The following LRRTM4 variants were observed in gnomAD, a reference collection of about 807,000 sequenced individuals.
LRRTM4 encodes leucine-rich repeat transmembrane neuronal protein 4.
In LRRTM4, 25 loss-of-function variants were observed where a neutral mutation model predicts 47.6. The observed-to-expected ratio is 0.53, with a 90% CI of 0.38 to 0.73. The LOEUF (loss-of-function observed/expected upper bound fraction) is 0.73, where lower values mean the gene tolerates loss of function less well. LRRTM4 is among the 30% of genes least tolerant of loss of function. The pLI, the probability that LRRTM4 is intolerant of heterozygous loss-of-function variation, is 0.00. For synonymous variants in LRRTM4, 311 were observed against 269.5 expected, an observed-to-expected ratio of 1.15 and a Z score of -1.51; for missense variants, 638 against 713.4, an observed-to-expected ratio of 0.89 and a Z score of 1.20.
chr2:77,040,848 T>C (rs1328094849), intron 3 of LRRTM4, among the ~76,000 whole-genome samples: 1 of 151,506 alleles, frequency 6.6e-6, no homozygotes, highest in Non-Finnish European at 1.5e-5. Context: ...AAGTGTATTG[T>C]TTTAATATAT....
chr2:76,810,438 TTA>T (rs1294584448), intron 3 of LRRTM4, among the ~76,000 whole-genome samples: 1 of 152,200 alleles, frequency 6.6e-6, no homozygotes, highest in Admixed American at 6.5e-5. Flanking sequence ...CTGAGTTTTA[TTA>T]TTTTTGCTCT....
chr2:77,023,779 C>A (rs1474333358), intron 3 of LRRTM4, among the ~76,000 whole-genome samples: 1 of 152,210 alleles, frequency 6.6e-6, no homozygotes, highest in Non-Finnish European at 1.5e-5. Flanking sequence ...AACTTTCCCA[C>A]ATCTTCCTGT....
chr2:76,769,485 C>T (rs531843519), intron 3 of LRRTM4, among the ~76,000 whole-genome samples: 3 of 151,654 alleles, frequency 2.0e-5, no homozygotes, highest in African/African-American at 7.3e-5. Flanking sequence ...AAATGAATTT[C>T]GGATTTGAGA....
At chr2:76,897,829 C>T (rs1176772415) in intron 3 of LRRTM4, among the ~76,000 whole-genome samples, 2 of 152,162 alleles carry the variant, frequency 1.3e-5, no homozygotes, top group Non-Finnish European at 2.9e-5. Context: ...ATCCCCATCT[C>T]CATTCCTGCC....
intron 3 of LRRTM4, among the ~76,000 whole-genome samples, chr2:77,238,611 G>A (rs1029661662): frequency 6.6e-6 from 1 of 152,002 alleles, no homozygotes; most frequent in Non-Finnish European, 1.5e-5. Context: ...AGAGATACAT[G>A]TAGAATAAAT....
At chr2:77,063,718 G>A (rs1679867111) in intron 3 of LRRTM4, among the ~76,000 whole-genome samples, 2 of 152,008 alleles carry the variant, frequency 1.3e-5, no homozygotes, top group African/African-American at 4.8e-5. Context: ...AAATTAAATT[G>A]AGCAGAGGTT....
intron 3 of LRRTM4, among the ~76,000 whole-genome samples, chr2:76,819,539 A>G (rs1244634147): frequency 6.6e-6 from 1 of 151,882 alleles, no homozygotes; most frequent in East Asian, 1.9e-4. Context: ...GAAGTACTTA[A>G]TATATTGACA....
chr2:77,285,757 A>C (rs1455512328), intron 3 of LRRTM4, among the ~76,000 whole-genome samples: 3 of 151,988 alleles, frequency 2.0e-5, no homozygotes, highest in South Asian at 2.1e-4. Flanking sequence ...AACAACAAAA[A>C]AAATCCTGAT....
In LRRTM4 at chr2:77,519,073, G is replaced by T; in HGVS notation, c.796C>A (p.Gln266Lys). 6.2e-7 allele frequency: 1 copy of T among 1,612,754 alleles called. No individual in the cohort carries two copies. Among genetic ancestry groups the T allele is most frequent in the Non-Finnish European group, 8.5e-7 (1 of 1,179,374 alleles). The change falls in exon 3 of 4, where the codon CAA becomes AAA. Residue 266 changes from glutamine to lysine, a missense_variant. Coordinates refer to ENST00000409884, the MANE Select transcript of LRRTM4 (RefSeq NM_001134745.3). The surrounding 1 kb of genome is among the most constrained non-coding windows in gnomAD (Gnocchi z 4.6). Reference protein sequence around the residue: ...HNLDLSGNDIQGIEPGTFKCL... With the variant: ...HNLDLSGNDIKGIEPGTFKCL... Reference sequence around the variant, plus strand: ...TTAAATGTGCCCGGCTCAATTCCTTGGATGTCATTCCCTGATAAATCCAAG... The same window carrying T: ...TTAAATGTGCCCGGCTCAATTCCTTTGATGTCATTCCCTGATAAATCCAAG...
intron 3 of LRRTM4, among the ~76,000 whole-genome samples, chr2:76,916,426 T>C (rs1332615060): frequency 7.4e-6 from 1 of 134,374 alleles, no homozygotes; most frequent in Admixed American, 7.6e-5. Flanking sequence ...AAAAAATATG[T>C]ATGGTCAGGA....
At chr2:77,021,110 G>GTATCTATC (rs36108858) in intron 3 of LRRTM4, among the ~76,000 whole-genome samples, 13,216 of 150,996 alleles carry the variant, frequency 0.088, 883 homozygotes, top group East Asian at 0.38. Flanking sequence ...ATCTATCTAT[G>GTATCTATC]TATCTATCTA....
chr2:76,937,963 G>A (rs1675014663), intron 3 of LRRTM4, among the ~76,000 whole-genome samples: 1 of 152,058 alleles, frequency 6.6e-6, no homozygotes, highest in African/African-American at 2.4e-5. Context: ...GAGCTAAGGG[G>A]AATATAATTT....
intron 3 of LRRTM4, among the ~76,000 whole-genome samples, chr2:77,252,745 G>A (rs1293745785): frequency 1.2e-4 from 19 of 152,082 alleles, no homozygotes; most frequent in Admixed American, 4.6e-4. Flanking sequence ...TAAGAAAAAC[G>A]TTGCGTGCCT....
chr2:77,362,169 G>GAAAGAA (rs1188043832), intron 3 of LRRTM4, among the ~76,000 whole-genome samples: 3 of 151,648 alleles, frequency 2.0e-5, no homozygotes, highest in African/African-American at 7.3e-5. Flanking sequence ...AAGAAAGAAA[G>GAAAGAA]AAAGGAAGGA....
chr2:76,797,891 G>A (rs1240304287), intron 3 of LRRTM4, among the ~76,000 whole-genome samples: 1 of 151,396 alleles, frequency 6.6e-6, no homozygotes, highest in Non-Finnish European at 1.5e-5. Flanking sequence ...GATGGTAAAG[G>A]GATCAATTCA....
chr2:77,146,914 G>T (rs1230360184), intron 3 of LRRTM4, among the ~76,000 whole-genome samples: 7 of 152,026 alleles, frequency 4.6e-5, no homozygotes, highest in Non-Finnish European at 8.8e-5. Context: ...AACAGAAAAA[G>T]AATTTAGAGG....
At chr2:77,482,311 T>C (rs1348344603) in intron 3 of LRRTM4, among the ~76,000 whole-genome samples, 2 of 152,148 alleles carry the variant, frequency 1.3e-5, no homozygotes, top group African/African-American at 2.4e-5. Flanking sequence ...GGATTGTAAA[T>C]TGAATACCCT....
intron 3 of LRRTM4, among the ~76,000 whole-genome samples, chr2:77,131,033 A>G (rs958325249): frequency 6.9e-6 from 1 of 144,146 alleles, no homozygotes; most frequent in African/African-American, 2.6e-5. Flanking sequence ...ACGGGGTTTC[A>G]CCGTTTTAGC....
intron 3 of LRRTM4, among the ~76,000 whole-genome samples, chr2:77,490,279 A>G (rs1164544823): frequency 6.6e-6 from 1 of 152,096 alleles, no homozygotes; most frequent in African/African-American, 2.4e-5. Flanking sequence ...AAAAAAATTG[A>G]AGACTGAGTC....
Sources: allele counts gnomAD v4.1 joint callset (sites outside exome capture counted in the v4.1 genomes callset), GRCh38; gene constraint gnomAD v4.1.1; non-coding constraint Gnocchi (gnomAD v3.1); transcripts MANE v1.5; gene names NCBI Gene and HGNC (gene_info 2026-07-23, HGNC 2026-07-21).